Variants in APPL2 observed in about 807,000 individuals in gnomAD.
APPL2 encodes the protein adaptor protein, phosphotyrosine interacting with PH domain and leucine zipper 2, also known as DCC-interacting protein 13-beta.
In APPL2, 84 loss-of-function variants were observed where a neutral mutation model predicts 92.7. The ratio of observed to expected loss-of-function variants is 0.91; its 90% CI spans 0.76 to 1.09. APPL2 has a LOEUF of 1.09. Ranked by LOEUF, APPL2 falls within the 50% of genes least tolerant of loss-of-function variation. The pLI is 0.00. For synonymous variants in APPL2, 291 were observed against 291.0 expected, an observed-to-expected ratio of 1.00 and a Z score of 0.00; for missense variants, 736 against 824.5, an observed-to-expected ratio of 0.89 and a Z score of 1.31.
intron 17 of APPL2, among the ~76,000 whole-genome samples, chr12:105,185,842 G>C (rs1886557430): frequency 6.6e-6 from 1 of 152,148 alleles, no homozygotes; most frequent in South Asian, 2.1e-4. Context: ...GATGTTAAGT[G>C]TCTTCATAAC....
At chr12:105,227,237 A>G (rs2136083652) in intron 2 of APPL2, among the ~76,000 whole-genome samples, 1 of 152,250 alleles carries the variant, frequency 6.6e-6, no homozygotes, top group South Asian at 2.1e-4. Context: ...CCTGGCCTCA[A>G]GCAATCCTCC....
At chr12:105,234,251 T>A (rs1355936244) in intron 1 of APPL2, among the ~76,000 whole-genome samples, 4 of 152,232 alleles carry the variant, frequency 2.6e-5, no homozygotes, top group African/African-American at 9.6e-5. Context: ...TATGACAATG[T>A]TAACTCTAAA....
At chr12:105,191,461 C>G (rs79385818) in intron 14 of APPL2, among the ~76,000 whole-genome samples, 327 of 152,308 alleles carry the variant, frequency 2.1e-3, no homozygotes, top group African/African-American at 7.6e-3. Context: ...CTGAAGAAAG[C>G]TATGAGTAGA....
chr12:105,176,566 C>T (rs1885563932), intron 19 of APPL2, among the ~76,000 whole-genome samples: 1 of 152,118 alleles, frequency 6.6e-6, no homozygotes, highest in African/African-American at 2.4e-5. Flanking sequence ...TAGCTTTTGC[C>T]TTAATTTTTT....
In APPL2 at chr12:105,188,168, G is replaced by A. The variant is rs1022122136; in HGVS notation, c.1634+105C>T. On this transcript the variant is annotated intron_variant, in intron 17 of 20. Transcript: ENST00000258530. ...TAAAAAGTAGTGGGGGCAAAAGCAAGAGTAGTCTCTTCATTCCAGTACTAA... is the reference window on the plus strand; with the variant it reads ...TAAAAAGTAGTGGGGGCAAAAGCAAAAGTAGTCTCTTCATTCCAGTACTAA... The A allele has an allele frequency of 3.8e-6, 5 of 1,301,982 alleles. No homozygotes were observed. The East Asian group carries it at 9.6e-5, about 25-fold the overall frequency. The allele number at this position is 1,301,982 out of a possible 1,614,324, so 80.7% of individuals were successfully genotyped here. A position where few individuals can be genotyped will look rare whatever the true frequency, so the allele number is the denominator to read the frequency against.
chr12:105,203,010 TACACACACACACACACACACACACAC>T (rs3838812), intron 9 of APPL2, among the ~76,000 whole-genome samples: 25,422 of 146,098 alleles, frequency 0.17, 2,404 homozygotes, highest in East Asian at 0.26. Context: ...ATTTGTCAAC[TACACACACACACACACACACACACAC>T]ACACACACAC....
At chr12:105,186,753 C>T (rs1349131392) in intron 17 of APPL2, among the ~76,000 whole-genome samples, 1 of 142,330 alleles carries the variant, frequency 7.0e-6, no homozygotes, top group Non-Finnish European at 1.5e-5. Context: ...ATATAAACAT[C>T]TGTGAGACAG....
intron 17 of APPL2, among the ~76,000 whole-genome samples, chr12:105,179,348 G>A (rs1287990009): frequency 6.6e-6 from 1 of 152,162 alleles, no homozygotes; most frequent in Non-Finnish European, 1.5e-5. Flanking sequence ...AGTATTCCTT[G>A]GTGTATATGT....
intron 2 of APPL2, among the ~76,000 whole-genome samples, chr12:105,222,182 G>A (rs1415613475): frequency 6.6e-6 from 1 of 151,820 alleles, no homozygotes; most frequent in Non-Finnish European, 1.5e-5. Context: ...GCAGGCCACG[G>A]GGGGATGCCT....
rs1480976017 is a variant in APPL2, at chr12:105,189,988, T to C, written c.1406+3A>G. 2 of 1,613,954 alleles carry C rather than the reference T, an allele frequency of 1.2e-6. No individual in the cohort carries two copies. Among genetic ancestry groups the C allele is most frequent in the Non-Finnish European group, 1.7e-6 (2 of 1,179,970 alleles). ...CCCAGAGATAACCTCTCTCAGCCCA[T>C]ACCTGCTCCCTCTGTTCTGATCAAG... On this transcript the variant is annotated splice_donor_region_variant and intron_variant, in intron 15 of 20. Coordinates refer to ENST00000258530, the MANE Select transcript of APPL2 (RefSeq NM_018171.5).
At position 105,236,085 on chromosome 12, in the gene APPL2, CCCGGCTCTGGGCTCAGGCGACGCG is replaced by C; in HGVS notation, c.-97_-74del. 1 of 1,122,118 alleles carries C rather than the reference CCCGGCTCTGGGCTCAGGCGACGCG, an allele frequency of 8.9e-7. No individual in the cohort carries two copies. Among genetic ancestry groups the C allele is most frequent in the Non-Finnish European group, 1.1e-6 (1 of 891,132 alleles). 69.5% of individuals were successfully genotyped at this position (1,122,118 alleles called of 1,614,324 possible). On this transcript the variant is annotated 5_prime_UTR_variant, in exon 1 of 21. Transcript: ENST00000258530. ...GGAGACGCGGCGGCCGAGAGCACTC[CCCGGCTCTGGGCTCAGGCGACGCG>C]GCGGCCACTCCGTGCCCGCGGCGGC...
At chr12:105,186,651 G>A (rs1487521075) in intron 17 of APPL2, among the ~76,000 whole-genome samples, 8 of 83,916 alleles carry the variant, frequency 9.5e-5, no homozygotes, top group South Asian at 4.8e-4. Context: ...ATATGATATC[G>A]ATATCATATA....
At chr12:105,196,281 A>G (rs1050748038) in intron 11 of APPL2, among the ~76,000 whole-genome samples, 1 of 152,080 alleles carries the variant, frequency 6.6e-6, no homozygotes, top group Admixed American at 6.6e-5. Context: ...CCAGGACTCC[A>G]AGCCCAGCCA....
At chr12:105,221,346 T>C (rs975456159) in intron 2 of APPL2, among the ~76,000 whole-genome samples, 1 of 152,366 alleles carries the variant, frequency 6.6e-6, no homozygotes, top group East Asian at 1.9e-4. Flanking sequence ...ATCCTCACAG[T>C]GCACCCATGA....
intron 2 of APPL2, among the ~76,000 whole-genome samples, chr12:105,224,207 T>C (rs1166066965): frequency 6.6e-6 from 1 of 152,232 alleles, no homozygotes; most frequent in Non-Finnish European, 1.5e-5. Flanking sequence ...GACCTTAAGC[T>C]ACATATGCAC....
chr12:105,224,973 C>T (rs529962161), intron 2 of APPL2, among the ~76,000 whole-genome samples: 151 of 152,262 alleles, frequency 9.9e-4, no homozygotes, highest in Non-Finnish European at 7.2e-4. Flanking sequence ...ACCTCCAATT[C>T]GGGCTTCTAG....
chr12:105,193,244 G>T lies in APPL2; in HGVS notation c.1241+2017C>A, dbSNP rs1053165656. ...AATAATTAAATATAGGCTGCAAATT[G>T]TCTTTTTAGGAAACGTATCACACCT... On this transcript the variant is annotated intron_variant, in intron 14 of 20. Transcript: ENST00000258530. Among the ~76,000 whole-genome samples, 5 of 152,162 alleles carry T rather than the reference G, an allele frequency of 3.3e-5. No individual in the cohort carries two copies. In the South Asian group the frequency reaches 8.3e-4, roughly 25 times the overall value.
chr12:105,211,410 G>T, intron 4 of APPL2, 93 bp from the exon 5 acceptor site: 1 of 913,574 alleles, frequency 1.1e-6, no homozygotes, highest in Non-Finnish European at 1.7e-6. Context: ...GAACACTTCC[G>T]TGTGGTCACA....
chr12:105,183,027 G>T (rs1208168334), intron 17 of APPL2, among the ~76,000 whole-genome samples: 2 of 141,916 alleles, frequency 1.4e-5, no homozygotes, highest in Non-Finnish European at 3.1e-5. Context: ...TGTCTTTTTT[G>T]ATTTCAAGTC....
Sources: gnomAD v4.1 joint callset for allele counts (sites outside exome capture counted in the v4.1 genomes callset) on GRCh38, gnomAD v4.1.1 for gene constraint, MANE v1.5 for transcripts, NCBI Gene and HGNC (gene_info 2026-07-23, HGNC 2026-07-21) for gene names.